MYBPC2: variants seen among roughly 807,000 people sequenced by gnomAD.
The protein encoded by MYBPC2 is myosin binding protein C2.
MYBPC2 carries 122 observed loss-of-function variants against 137.0 expected under a neutral mutation model. The ratio of observed to expected loss-of-function variants is 0.89; its 90% CI spans 0.77 to 1.03. The LOEUF (loss-of-function observed/expected upper bound fraction) is 1.03, where lower values mean the gene tolerates loss of function less well. Among genes scored for constraint, MYBPC2 ranks in the 50% least tolerant of loss-of-function variants. The pLI, the probability that MYBPC2 is intolerant of heterozygous loss-of-function variation, is 0.00. For synonymous variants in MYBPC2, 626 were observed against 612.3 expected (o/e 1.02, Z -0.33); for missense variants, 1,500 against 1,534.4 (o/e 0.98, Z 0.37).
chr19:50,443,521 G>A lies in MYBPC2; in HGVS notation c.930G>A (p.Lys310=), dbSNP rs2039774437. The change falls in exon 10 of 28, where the codon AAG becomes AAA. Residue 310 remains lysine (K), a synonymous_variant. Transcript: ENST00000357701. ...ACGTGTTTGAGAACGTTGGTAAGAA[G>A]CGAATTCTTACCATCAACAAGTGCA... ...SKYVFENVGK[K]RILTINKCTL... 2 of 1,613,152 alleles carry A rather than the reference G, an allele frequency of 1.2e-6. No individual in the cohort carries two copies. Among genetic ancestry groups the A allele is most frequent in the African/African-American group, 2.7e-5 (2 of 74,904 alleles).
chr19:50,447,266 G>A (rs897391785), intron 12 of MYBPC2, among the ~76,000 whole-genome samples: 3 of 152,154 alleles, frequency 2.0e-5, no homozygotes, highest in East Asian at 3.9e-4. Context: ...CATTATGTAC[G>A]ATGTCACCAG....
In MYBPC2 at chr19:50,435,390, C is replaced by T; in HGVS notation, c.109+140C>T. ...CCAGGGCTGACCCACGCCTCCCGTG[C>T]TCCCAGCCCTCCCGGGGCTCCCTGG... On this transcript the variant is annotated intron_variant, in intron 2 of 27. Transcript: ENST00000357701. This position sits in a 1 kb window ranked among gnomAD's most constrained non-coding sequence, Gnocchi z 4.8. The T allele has an allele frequency of 1.5e-6, 1 of 645,844 alleles. No homozygotes were observed. The highest frequency in any genetic ancestry group is 2.8e-5 in the East Asian group (1 of 35,582). 40.0% of individuals were successfully genotyped at this position (645,844 alleles called of 1,614,324 possible).
chr19:50,444,290 T>TCATTCATC (rs1352865200), intron 11 of MYBPC2, among the ~76,000 whole-genome samples: 109 of 117,902 alleles, frequency 9.2e-4, no homozygotes, highest in Middle Eastern at 4.9e-3. Context: ...GTCCATCCAT[T>TCATTCATC]CATCCATCCA....
chr19:50,458,668 TC>T lies in MYBPC2; in HGVS notation c.2422del (p.Leu808SerfsTer4). 6.2e-7 allele frequency: 1 copy of T among 1,612,524 alleles called. No homozygotes were observed. Among genetic ancestry groups the T allele is most frequent in the Non-Finnish European group, 8.5e-7 (1 of 1,179,854 alleles). On this transcript the variant is annotated frameshift_variant, in exon 21 of 28. Coordinates refer to ENST00000357701, the MANE Select transcript of MYBPC2 (RefSeq NM_004533.4). LOFTEE classifies it high-confidence loss of function. ...TVKNLPTGAR[I>X]LFRVVGVNIA... ...AAGAATCTCCCGACCGGAGCCAGAA[TC>T]CTCTTCCGAGTAGTTGGGGTCAACA...
chr19:50,455,699 A>G (rs2039904060), intron 20 of MYBPC2, 55 bp downstream of exon 20: 4 of 1,594,336 alleles, frequency 2.5e-6, no homozygotes, highest in Admixed American at 3.4e-5. Flanking sequence ...GTGGGTATCC[A>G]GTCCAGGGAG....
intron 8 of MYBPC2, 128 bp downstream of exon 8, chr19:50,441,204 T>C (rs991388955): frequency 9.7e-7 from 1 of 1,026,972 alleles, no homozygotes; most frequent in Non-Finnish European, 1.4e-6. Context: ...GACCCAACTC[T>C]AGCGGTGGGC....
At position 50,450,868 on chromosome 19, in the gene MYBPC2, T is replaced by A. The variant is rs372982909; in HGVS notation, c.1512T>A (p.Asp504Glu). 16 of 1,580,114 alleles carry A rather than the reference T, an allele frequency of 1.0e-5. No individual in the cohort carries two copies. In the African/African-American group the frequency reaches 1.9e-4, roughly 19 times the overall value. ...KLVIDDVRPE[D>E]EGDYTFVPDG... ...TGATCGATGACGTCCGCCCCGAGGA[T>A]GAGGGAGACTACACGTTTGTGCCTG... Residue 504 changes from aspartate (D) to glutamate (E), a missense_variant, in exon 14 of 28, where the codon GAT (aspartate) becomes GAA (glutamate). Physicochemically the swap from Asp to Glu is conservative, Grantham distance 45. Transcript: ENST00000357701.
At chr19:50,437,249 G>A (rs887883550) in intron 5 of MYBPC2, among the ~76,000 whole-genome samples, 2 of 152,044 alleles carry the variant, frequency 1.3e-5, no homozygotes, top group Non-Finnish European at 2.9e-5. Flanking sequence ...GCCCAGGTGT[G>A]GGGGGTATAG....
rs754532014 is a variant in MYBPC2, at chr19:50,454,048, GCATCGAGAAGCGGGT to G, written c.1779_1793del (p.Ile594_Val598del). The stretch of plus-strand genomic sequence containing the variant: ...TTCACGACCACCGAGGGCAGGACCC[GCATCGAGAAGCGGGT>G]GGACTGCAGCAGCTTTGTGATTGAG... On this transcript the variant is annotated inframe_deletion, in exon 17 of 28. Coordinates refer to ENST00000357701, the MANE Select transcript of MYBPC2 (RefSeq NM_004533.4). 1.2e-6 allele frequency: 2 copies of G among 1,606,842 alleles called. No individual in the cohort carries two copies. The highest frequency in any genetic ancestry group is 1.7e-6 in the Non-Finnish European group (2 of 1,176,950).
At chr19:50,440,698 G>A (rs1055550176) in intron 7 of MYBPC2, among the ~76,000 whole-genome samples, 182 bp from the exon 8 acceptor site, 1 of 151,158 alleles carries the variant, frequency 6.6e-6, no homozygotes, top group Non-Finnish European at 1.5e-5. Context: ...AGTGGGGACT[G>A]TGCTGGGAAG....
chr19:50,464,673 G>A (rs1381738771), intron 27 of MYBPC2, 141 bp downstream of exon 27: 4 of 1,036,758 alleles, frequency 3.9e-6, no homozygotes, highest in Non-Finnish European at 5.3e-6. Flanking sequence ...GGAAGCTGCT[G>A]TCCTGAAGGC....
chr19:50,435,716 C>T lies in MYBPC2; in HGVS notation c.110-60C>T. 8.4e-6 allele frequency: 12 copies of T among 1,428,258 alleles called. No individual in the cohort carries two copies. The highest frequency in any genetic ancestry group is 1.1e-5 in the Non-Finnish European group (12 of 1,047,908). The allele number at this position is 1,428,258 out of a possible 1,614,324, so 88.5% of individuals were successfully genotyped here. A position where few individuals can be genotyped will look rare whatever the true frequency, so the allele number is the denominator to read the frequency against. ...CTCTAAGTCCTTTCCCCAAAGCGGCCCACTGTCCCCTCCCCAGCCTATCTC... is the reference window on the plus strand; with the variant it reads ...CTCTAAGTCCTTTCCCCAAAGCGGCTCACTGTCCCCTCCCCAGCCTATCTC... On this transcript the variant is annotated intron_variant, in intron 2 of 27. Transcript: ENST00000357701. The surrounding 1 kb of genome is among the most constrained non-coding windows in gnomAD (Gnocchi z 4.8).
chr19:50,434,565 TC>T (rs2039684815), intron 1 of MYBPC2, among the ~76,000 whole-genome samples: 1 of 152,022 alleles, frequency 6.6e-6, no homozygotes, highest in Non-Finnish European at 1.5e-5. Context: ...GGGAATGGGG[TC>T]CTTTTTGCGG....
At chr19:50,443,927 C>A (rs754323043) in intron 11 of MYBPC2, 111 bp downstream of exon 11, 6 of 979,712 alleles carry the variant, frequency 6.1e-6, no homozygotes, top group Non-Finnish European at 9.2e-6. Context: ...CTGACCTTTA[C>A]TCAGTAGTCA....
intron 26 of MYBPC2, 150 bp from the exon 27 acceptor site, chr19:50,464,196 A>T: frequency 1.5e-6 from 1 of 659,512 alleles, no homozygotes; most frequent in Non-Finnish European, 2.5e-6. Context: ...ATAAGAGGAG[A>T]CTGAGGGTCA....
At chr19:50,461,743 C>G in intron 25 of MYBPC2, 42 bp downstream of exon 25, 1 of 1,609,844 alleles carries the variant, frequency 6.2e-7, no homozygotes, top group Non-Finnish European at 8.5e-7. Flanking sequence ...ACCCCGTCCA[C>G]CCTCTCGCCC....
chr19:50,452,472 GTATGTA>G (rs1312359566), intron 16 of MYBPC2, among the ~76,000 whole-genome samples: 1 of 118,490 alleles, frequency 8.4e-6, no homozygotes, highest in African/African-American at 3.0e-5. Flanking sequence ...ATCTGTGTAT[GTATGTA>G]TGTATGTATG....
intron 7 of MYBPC2, among the ~76,000 whole-genome samples, chr19:50,438,053 C>A (rs1165037774): frequency 2.6e-5 from 4 of 152,148 alleles, no homozygotes; most frequent in African/African-American, 9.7e-5. Flanking sequence ...TCCACCTACT[C>A]ACCCTCCCAT....
Position 50,445,970 on chromosome 19 carries a change from C to T in MYBPC2, c.1224C>T (p.Phe408=), listed in dbSNP as rs2039801276. 1 of 1,613,086 alleles carries T rather than the reference C, an allele frequency of 6.2e-7. No homozygotes were observed. Among genetic ancestry groups the T allele is most frequent in the Non-Finnish European group, 8.5e-7 (1 of 1,179,618 alleles). The change falls in exon 12 of 28, where the codon TTC becomes TTT. Residue 408 remains phenylalanine, a synonymous_variant. Coordinates refer to ENST00000357701, the MANE Select transcript of MYBPC2 (RefSeq NM_004533.4). ...ACGGGAAGCGCCACATCCTCATCTTCTCAGACGTGGTCCAGGAGGACAGGG... is the reference window on the plus strand; with the variant it reads ...ACGGGAAGCGCCACATCCTCATCTTTTCAGACGTGGTCCAGGAGGACAGGG... ...KKDGKRHILI[F]SDVVQEDRGR...
Sources: gnomAD v4.1 joint callset for allele counts (sites outside exome capture counted in the v4.1 genomes callset) on GRCh38, gnomAD v4.1.1 for gene constraint, Gnocchi (gnomAD v3.1) non-coding constraint, MANE v1.5 for transcripts, NCBI Gene and HGNC (gene_info 2026-07-23, HGNC 2026-07-21) for gene names.